Variants in PHLDB2 observed in about 807,000 individuals in gnomAD.
The protein encoded by PHLDB2 is pleckstrin homology-like domain family B member 2.
PHLDB2 carries 71 observed loss-of-function variants against 123.6 expected under a neutral mutation model. The observed-to-expected ratio is 0.57, with a 90% CI of 0.47 to 0.70. The LOEUF (loss-of-function observed/expected upper bound fraction) is 0.70, where lower values mean the gene tolerates loss of function less well. PHLDB2 is among the 30% of genes least tolerant of loss of function. The pLI is 0.00. For missense variants in PHLDB2, 1,446 were observed against 1,519.5 expected (o/e 0.95, Z 0.80); for synonymous variants, 547 against 541.6 (o/e 1.01, Z -0.14).
At position 111,885,121 on chromosome 3, in the gene PHLDB2, C is replaced by G. The variant is rs145524082; in HGVS notation, c.1044C>G (p.Ser348=). The change falls in exon 2 of 18, where the codon TCC becomes TCG. Residue 348 remains serine, a synonymous_variant. Coordinates refer to ENST00000431670, the MANE Select transcript of PHLDB2 (RefSeq NM_001134438.2). ...ARKMLLASTS[S]CASDDFDQAS... ...AGATGCTTCTGGCCTCCACCTCCTCCTGTGCCTCTGATGACTTTGATCAGG... is the reference window on the plus strand; with the variant it reads ...AGATGCTTCTGGCCTCCACCTCCTCGTGTGCCTCTGATGACTTTGATCAGG... 2.0e-4 allele frequency: 316 copies of G among 1,598,438 alleles called. No homozygotes were observed. The highest frequency in any genetic ancestry group is 2.5e-4 in the Non-Finnish European group (295 of 1,172,028).
chr3:111,831,006 AAAG>A (rs2062980647), intron 1 of PHLDB2, among the ~76,000 whole-genome samples: 1 of 111,208 alleles, frequency 9.0e-6, no homozygotes, highest in Admixed American at 1.0e-4. Flanking sequence ...AGAAAGAAAG[AAAG>A]AAAGAAAGAA....
intron 1 of PHLDB2, among the ~76,000 whole-genome samples, chr3:111,782,704 C>T (rs2060527084): frequency 6.6e-6 from 1 of 152,068 alleles, no homozygotes; most frequent in Non-Finnish European, 1.5e-5. Context: ...TTATCAGGCA[C>T]AGCTTAGGAA....
chr3:111,879,148 T>A (rs2065811407), intron 1 of PHLDB2, among the ~76,000 whole-genome samples: 1 of 152,182 alleles, frequency 6.6e-6, no homozygotes, highest in South Asian at 2.1e-4. Context: ...TCTTTGTACC[T>A]CTGGTAACAT....
At chr3:111,893,900 T>TTTTATTTATATA (rs2066648851) in intron 2 of PHLDB2, among the ~76,000 whole-genome samples, 1 of 136,610 alleles carries the variant, frequency 7.3e-6, no homozygotes, top group Non-Finnish European at 1.6e-5. Context: ...TTGGATTTAT[T>TTTTATTTATATA]TTTATTTATT....
At chr3:111,831,580 T>C (rs945874717) in intron 1 of PHLDB2, among the ~76,000 whole-genome samples, 1 of 152,224 alleles carries the variant, frequency 6.6e-6, no homozygotes, top group Non-Finnish European at 1.5e-5. Flanking sequence ...ATTTTTATAA[T>C]GTGCTTACCC....
rs1479896214 is a variant in PHLDB2 at position 111,797,394 on chromosome 3, A to T, written c.-48-48427A>T. On this transcript the variant is annotated intron_variant, in intron 1 of 17. Coordinates refer to the PHLDB2 transcript ENST00000393923. ...ACACAGAGAGTAGTTATTGTGGGTT[A>T]TAGACCATCTCACTTTCCTAATTCT... 2.0e-5 allele frequency among the ~76,000 whole-genome samples: 3 copies of T among 152,200 alleles called. No individual in the cohort carries two copies. In the East Asian group the frequency reaches 5.8e-4, roughly 29 times the overall value.
At chr3:111,732,523 G>T in exon 1 of PHLDB2, 1 of 1,121,304 alleles carries the variant, frequency 8.9e-7, no homozygotes, top group Middle Eastern at 1.9e-4. Context: ...AGGCCAGAGA[G>T]AGCAGGAAAG....
chr3:111,811,281 CAGAAAGTA>C (rs2061825559), intron 1 of PHLDB2, among the ~76,000 whole-genome samples: 1 of 152,114 alleles, frequency 6.6e-6, no homozygotes, highest in African/African-American at 2.4e-5. Flanking sequence ...TTGCATGAAA[CAGAAAGTA>C]ATCATTGCTA....
intron 10 of PHLDB2, among the ~76,000 whole-genome samples, chr3:111,949,484 A>G (rs904793659): frequency 1.3e-5 from 2 of 152,166 alleles, no homozygotes; most frequent in South Asian, 4.1e-4. Flanking sequence ...AAAGCCTTCT[A>G]GGGGAGGGGT....
intron 1 of PHLDB2, among the ~76,000 whole-genome samples, chr3:111,757,406 T>C (rs985246408): frequency 9.2e-5 from 14 of 151,414 alleles, no homozygotes; most frequent in Admixed American, 7.9e-4. Flanking sequence ...ATTTCATGAA[T>C]GGAGCTTTCA....
chr3:111,845,723 A>C (rs763165556), intron 1 of PHLDB2: 10 of 1,378,616 alleles, frequency 7.3e-6, no homozygotes, highest in Non-Finnish European at 1.0e-5. Flanking sequence ...CGGATGTTAA[A>C]CATCTGAGTT....
intron 1 of PHLDB2, among the ~76,000 whole-genome samples, chr3:111,817,665 A>G (rs1036810286): frequency 2.6e-4 from 39 of 152,144 alleles, no homozygotes; most frequent in African/African-American, 9.4e-4. Flanking sequence ...CTCATAGCCA[A>G]TTGTACTTAG....
chr3:111,955,956 C>T (rs1381206934), intron 12 of PHLDB2, among the ~76,000 whole-genome samples: 5 of 152,122 alleles, frequency 3.3e-5, no homozygotes, highest in Non-Finnish European at 7.4e-5. Context: ...CTCTCAGCAC[C>T]TTGGGAGGCT....
intron 2 of PHLDB2, among the ~76,000 whole-genome samples, chr3:111,852,286 T>A (rs1464908274): frequency 6.7e-6 from 1 of 149,384 alleles, no homozygotes; most frequent in Non-Finnish European, 1.5e-5. Flanking sequence ...TCTCTCGCTC[T>A]CTCTCTCTCC....
chr3:111,749,467 C>A (rs1486297517), intron 1 of PHLDB2, among the ~76,000 whole-genome samples: 2 of 152,178 alleles, frequency 1.3e-5, no homozygotes, highest in Non-Finnish European at 2.9e-5. Context: ...TTTGTTGGAT[C>A]TGACTTTTCA....
chr3:111,951,317 A>G (rs760019977), intron 10 of PHLDB2, among the ~76,000 whole-genome samples: 1 of 152,220 alleles, frequency 6.6e-6, no homozygotes, highest in African/African-American at 2.4e-5. Context: ...AGATAGTAAT[A>G]GTACCTACCT....
chr3:111,794,574 C>T (rs2061072130), intron 1 of PHLDB2, among the ~76,000 whole-genome samples: 1 of 152,148 alleles, frequency 6.6e-6, no homozygotes, highest in South Asian at 2.1e-4. Flanking sequence ...GGCCATCTTG[C>T]TTCCTGAAGA....
At chr3:111,742,466 C>G (rs948522214) in intron 1 of PHLDB2, among the ~76,000 whole-genome samples, 5 of 152,094 alleles carry the variant, frequency 3.3e-5, no homozygotes, top group African/African-American at 1.2e-4. Flanking sequence ...CCTCCTCCCC[C>G]CACCCCACAA....
intron 16 of PHLDB2, among the ~76,000 whole-genome samples, chr3:111,973,002 A>G (rs924787954): frequency 6.6e-6 from 1 of 152,192 alleles, no homozygotes; most frequent in African/African-American, 2.4e-5. Context: ...CTCCTCATTC[A>G]TGCTTTTAAA....
Sources: allele counts gnomAD v4.1 joint callset (sites outside exome capture counted in the v4.1 genomes callset), GRCh38; gene constraint gnomAD v4.1.1; transcripts MANE v1.5; gene names NCBI Gene and HGNC (gene_info 2026-07-23, HGNC 2026-07-21).